The following GLG1 variants were observed in gnomAD, a reference collection of about 807,000 sequenced individuals.
GLG1 encodes the protein golgi glycoprotein 1.
Under a neutral mutation model 160.5 loss-of-function variants are expected in GLG1, and 38 were observed. The observed-to-expected ratio is 0.24, with a 90% CI of 0.18 to 0.31. GLG1 has a LOEUF of 0.31. GLG1 is among the 10% of genes least tolerant of loss of function. The probability of loss-of-function intolerance (pLI) is 1.00; values close to 1 mark genes in which losing one functional copy is unlikely to be tolerated. For missense variants in GLG1, 1,373 were observed against 1,505.2 expected (o/e 0.91, Z 1.45); for synonymous variants, 644 against 543.4 (o/e 1.19, Z -2.57).
intron 8 of GLG1, among the ~76,000 whole-genome samples, chr16:74,488,481 T>C (rs1357113962): frequency 6.6e-6 from 1 of 152,208 alleles, no homozygotes; most frequent in Non-Finnish European, 1.5e-5. Context: ...AGTAGAACAC[T>C]AAGGACATTT....
rs190971097 is a variant in GLG1 at position 74,543,682 on chromosome 16, T to A, written c.439-11529A>T. On this transcript the variant is annotated intron_variant, in intron 1 of 25. Transcript: ENST00000422840. ...TTTGGGAAATACTGATAAACTAATC[T>A]AAATATTAACAAAGATGCAATCTAA... Among the ~76,000 whole-genome samples, 465 of 152,310 alleles carry A rather than the reference T, an allele frequency of 3.1e-3. 1 individual carries two copies. The highest frequency in any genetic ancestry group is 5.5e-3 in the Non-Finnish European group (372 of 68,030).
At chr16:74,504,399 T>G (rs2016523394) in intron 3 of GLG1, among the ~76,000 whole-genome samples, 1 of 152,188 alleles carries the variant, frequency 6.6e-6, no homozygotes, top group Non-Finnish European at 1.5e-5. Context: ...GTGATTCTCC[T>G]GCCTCAGCTT....
chr16:74,569,285 A>T (rs1202729617), intron 1 of GLG1, among the ~76,000 whole-genome samples: 1 of 152,242 alleles, frequency 6.6e-6, no homozygotes, highest in Non-Finnish European at 1.5e-5. Flanking sequence ...AGCATAAGCA[A>T]ATAAAAATCC....
chr16:74,476,810 A>C (rs984852175), intron 12 of GLG1, among the ~76,000 whole-genome samples: 1 of 152,164 alleles, frequency 6.6e-6, no homozygotes, highest in Non-Finnish European at 1.5e-5. Flanking sequence ...GAATGTATAC[A>C]CTTAACTTCT....
chr16:74,535,014 G>A (rs8061290), intron 1 of GLG1, among the ~76,000 whole-genome samples: 19,243 of 152,112 alleles, frequency 0.13, 1,654 homozygotes, highest in Admixed American at 0.24. Flanking sequence ...CTGCACCCCT[G>A]CCATTCCCCA....
At chr16:74,542,123 C>T (rs2017885684) in intron 1 of GLG1, among the ~76,000 whole-genome samples, 1 of 149,484 alleles carries the variant, frequency 6.7e-6, no homozygotes, top group South Asian at 2.2e-4. Flanking sequence ...ACTGACAGTT[C>T]TACTCTAAGA....
chr16:74,601,248 G>A (rs983087429), intron 1 of GLG1, among the ~76,000 whole-genome samples: 6 of 151,668 alleles, frequency 4.0e-5, no homozygotes, highest in African/African-American at 1.5e-4. Flanking sequence ...ATATATACAG[G>A]AAACGACTCA....
chr16:74,457,137 G>A (rs554769789), intron 24 of GLG1, among the ~76,000 whole-genome samples: 3 of 152,314 alleles, frequency 2.0e-5, no homozygotes, highest in South Asian at 2.1e-4. Flanking sequence ...GCTTATGCCT[G>A]TAATCCCAGC....
chr16:74,463,352 T>C lies in GLG1; in HGVS notation c.2791+4A>G. The stretch of plus-strand genomic sequence containing the variant: ...GGGCCAGGAGAGCCAAGCCAAGATC[T>C]TACCTGTGTTCTGGGTGATCTGGCG... On this transcript the variant is annotated splice_donor_region_variant and intron_variant, in intron 20 of 25. Coordinates refer to ENST00000422840, the MANE Select transcript of GLG1 (RefSeq NM_001145667.2). 6.2e-7 allele frequency: 1 copy of C among 1,614,034 alleles called. No homozygotes were observed. Among genetic ancestry groups the C allele is most frequent in the Non-Finnish European group, 8.5e-7 (1 of 1,179,916 alleles).
At chr16:74,527,757 T>C (rs1317907968) in intron 2 of GLG1, among the ~76,000 whole-genome samples, 2 of 152,104 alleles carry the variant, frequency 1.3e-5, no homozygotes, top group Non-Finnish European at 2.9e-5. Context: ...GATAGAGTCT[T>C]GCTCTGTCGG....
At chr16:74,538,784 G>C (rs2143639126) in intron 1 of GLG1, among the ~76,000 whole-genome samples, 1 of 146,680 alleles carries the variant, frequency 6.8e-6, no homozygotes, top group East Asian at 2.0e-4. Flanking sequence ...TGGCTCTCAA[G>C]TGCATATCTA....
At chr16:74,533,875 T>G (rs2143618608) in intron 1 of GLG1, among the ~76,000 whole-genome samples, 1 of 152,320 alleles carries the variant, frequency 6.6e-6, no homozygotes, top group South Asian at 2.1e-4. Flanking sequence ...TATTATCAAT[T>G]TAGGTAGCAA....
chr16:74,571,711 G>T (rs2018832251), intron 1 of GLG1, among the ~76,000 whole-genome samples: 1 of 151,946 alleles, frequency 6.6e-6, no homozygotes, highest in Non-Finnish European at 1.5e-5. Flanking sequence ...TGTGGTCCCA[G>T]CTATTTGGGA....
rs746221225 is a variant in GLG1, at chr16:74,477,415, T to G, written c.1946A>C (p.Glu649Ala). ...CLIDLGKWCSEKTETGQELEC... is the reference protein window; with the variant it reads ...CLIDLGKWCSAKTETGQELEC... Reference sequence around the variant, plus strand: ...ACCTACCTGTCCAGTCTCTGTTTTCTCACTGCACCATTTTCCCAGATCAAT... The same window carrying G: ...ACCTACCTGTCCAGTCTCTGTTTTCGCACTGCACCATTTTCCCAGATCAAT... The change falls in exon 12 of 26, where the codon GAG (glutamate) becomes GCG (alanine). Residue 649 changes from glutamate to alanine, a missense_variant. Glu to Ala is a moderately radical substitution (Grantham distance 107). Transcript: ENST00000422840. The G allele has an allele frequency of 6.2e-7, 1 of 1,612,790 alleles. No homozygotes were observed. The highest frequency in any genetic ancestry group is 8.5e-7 in the Non-Finnish European group (1 of 1,178,740).
rs1958079907 is a variant in GLG1, at chr16:74,587,489, C to G, written c.438+19168G>C. ...ATAAACAATTACCACACTTGTAAAG[C>G]AGGAATATGACTAATAACAAAACTT... On this transcript the variant is annotated intron_variant, in intron 1 of 25. Coordinates refer to ENST00000422840, the MANE Select transcript of GLG1 (RefSeq NM_001145667.2). Among the ~76,000 whole-genome samples the G allele has an allele frequency of 2.0e-5, 3 of 152,150 alleles. No homozygotes were observed. In the South Asian group the frequency reaches 6.2e-4, roughly 32 times the overall value.
At chr16:74,479,742 C>T (rs1469695061) in intron 11 of GLG1, among the ~76,000 whole-genome samples, 2 of 152,034 alleles carry the variant, frequency 1.3e-5, no homozygotes, top group Admixed American at 1.3e-4. Flanking sequence ...CCGATGCTGC[C>T]GAGACCCCAG....
intron 12 of GLG1, among the ~76,000 whole-genome samples, chr16:74,477,044 C>G (rs1162861565): frequency 6.6e-6 from 1 of 152,106 alleles, no homozygotes; most frequent in Non-Finnish European, 1.5e-5. Flanking sequence ...TGAAATGGAG[C>G]CAGTAGTAAG....
At chr16:74,515,803 C>T (rs1395408693) in intron 2 of GLG1, among the ~76,000 whole-genome samples, 1 of 151,482 alleles carries the variant, frequency 6.6e-6, no homozygotes, top group Non-Finnish European at 1.5e-5. Flanking sequence ...TCAGGAAACC[C>T]CTCTCACGTG....
At chr16:74,524,267 C>G (rs2017266840) in intron 2 of GLG1, among the ~76,000 whole-genome samples, 1 of 151,950 alleles carries the variant, frequency 6.6e-6, no homozygotes, top group African/African-American at 2.4e-5. Flanking sequence ...TTAATTATTA[C>G]CTGTTTTCTT....
Sources: allele counts gnomAD v4.1 joint callset (sites outside exome capture counted in the v4.1 genomes callset), GRCh38; gene constraint gnomAD v4.1.1; transcripts MANE v1.5; gene names NCBI Gene and HGNC (gene_info 2026-07-23, HGNC 2026-07-21).